Variants in SMPD4 observed in about 807,000 individuals in gnomAD.
The protein encoded by SMPD4 is sphingomyelin phosphodiesterase 4, also known as neutral sphingomyelinase 3.
SMPD4 carries 58 observed loss-of-function variants against 97.8 expected under a neutral mutation model. The ratio of observed to expected loss-of-function variants is 0.59; its 90% CI spans 0.48 to 0.74. SMPD4 has a LOEUF of 0.74. SMPD4 is among the 30% of genes least tolerant of loss of function. SMPD4 has a pLI of 0.00. For missense variants in SMPD4, 853 were observed against 1,080.5 expected (o/e 0.79, Z 2.95); for synonymous variants, 388 against 450.0 (o/e 0.86, Z 1.74).
chr2:130,161,115 C>T (rs1186250866), intron 11 of SMPD4, 71 bp downstream of exon 11: 37 of 1,473,838 alleles, frequency 2.5e-5, no homozygotes, highest in Middle Eastern at 5.0e-4. Context: ...CGGCCGGCCC[C>T]GGCGGCCCCT....
intron 13 of SMPD4, 146 bp downstream of exon 13, chr2:130,156,439 G>A (rs1254830318): frequency 3.5e-6 from 3 of 850,432 alleles, no homozygotes; most frequent in Admixed American, 2.5e-5. Flanking sequence ...AACTCAAACA[G>A]AAAGAACAAT....
intron 9 of SMPD4, among the ~76,000 whole-genome samples, chr2:130,165,867 G>A (rs866252544): frequency 8.5e-5 from 13 of 152,224 alleles, no homozygotes; most frequent in South Asian, 4.2e-4. Flanking sequence ...CCCTGCGCCC[G>A]GGCTGGTTCA....
intron 11 of SMPD4, among the ~76,000 whole-genome samples, chr2:130,158,760 T>C (rs1687095013): frequency 6.6e-6 from 1 of 151,896 alleles, no homozygotes; most frequent in South Asian, 2.1e-4. Context: ...TGAGTCTGAG[T>C]GGACATGCTC....
At chr2:130,179,933 G>T (rs1689359293) in intron 1 of SMPD4, among the ~76,000 whole-genome samples, 1 of 151,518 alleles carries the variant, frequency 6.6e-6, no homozygotes, top group Non-Finnish European at 1.5e-5. Context: ...GATTACAGAC[G>T]TGAGTCACCA....
chr2:130,158,349 CCT>C (rs1219475935), intron 11 of SMPD4: 10 of 781,306 alleles, frequency 1.3e-5, no homozygotes, highest in Non-Finnish European at 1.8e-5. Context: ...ACAACGTCTC[CCT>C]CTGTCGCCCA....
In SMPD4 at chr2:130,152,654, G is replaced by A. The variant is rs767644066; in HGVS notation, c.2385C>T (p.Val795=). Residue 795 remains valine, a synonymous_variant, in exon 20 of 20, where the codon GTC becomes GTT. Transcript: ENST00000680298. ...GCAGCAGCGTGCATGGGAGGGGCCC[G>A]ACGCAGAACAGAGAGGCCACGAAGA... The part of the protein sequence containing the change: ...LAFFVASLFC[V]GPLPCTLLLT... 23 of 1,562,982 alleles carry A rather than the reference G, an allele frequency of 1.5e-5. No homozygotes were observed. Among genetic ancestry groups the A allele is most frequent in the Non-Finnish European group, 1.4e-5 (16 of 1,154,580 alleles).
intron 11 of SMPD4, 128 bp downstream of exon 11, chr2:130,161,058 C>T (rs893396793): frequency 1.1e-4 from 95 of 870,534 alleles, no homozygotes; most frequent in East Asian, 1.3e-4. Flanking sequence ...TGCCTCCCCC[C>T]GACACAGGGG....
rs144367000 is a variant in SMPD4 at position 130,157,878 on chromosome 2, G to A, written c.952-482C>T. 7.0e-3 allele frequency: 1,473 copies of A among 209,438 alleles called. 7 individuals are homozygous for A. Among genetic ancestry groups the A allele is most frequent in the South Asian group, 0.011 (147 of 13,922 alleles). The allele number at this position is 209,438 out of a possible 1,614,324, so 13.0% of individuals were successfully genotyped here. A position where few individuals can be genotyped will look rare whatever the true frequency, so the allele number is the denominator to read the frequency against. On this transcript the variant is annotated intron_variant, in intron 11 of 19. Coordinates refer to ENST00000680298, the MANE Select transcript of SMPD4 (RefSeq NM_017951.5). ...CATGGAACCCAGGTGTGGTGCCTCA[G>A]ACCTGTAATTCCAGCACTTTGGGAG...
At chr2:130,170,351 G>A (rs1688329253) in intron 8 of SMPD4, among the ~76,000 whole-genome samples, 1 of 150,860 alleles carries the variant, frequency 6.6e-6, no homozygotes, top group Non-Finnish European at 1.5e-5. Context: ...GCTGGGTGTG[G>A]TGACAGGCAC....
At chr2:130,175,924 C>T (rs1688943017) in intron 2 of SMPD4, among the ~76,000 whole-genome samples, 1 of 152,134 alleles carries the variant, frequency 6.6e-6, no homozygotes, top group Non-Finnish European at 1.5e-5. Flanking sequence ...AAAAACACCT[C>T]CTAAGAACTA....
intron 16 of SMPD4, 117 bp downstream of exon 16, chr2:130,154,160 A>G (rs1686521844): frequency 7.8e-7 from 1 of 1,275,730 alleles, no homozygotes. Context: ...GGAAGGAGAT[A>G]TGGCGTCAAA....
At chr2:130,177,405 A>G (rs1456147966) in intron 1 of SMPD4, among the ~76,000 whole-genome samples, 1 of 152,074 alleles carries the variant, frequency 6.6e-6, no homozygotes, top group Non-Finnish European at 1.5e-5. Flanking sequence ...TTTTATAGAA[A>G]TGCTGTTCTC....
At chr2:130,174,625 T>C (rs1458325024) in intron 3 of SMPD4, among the ~76,000 whole-genome samples, 1 of 152,178 alleles carries the variant, frequency 6.6e-6, no homozygotes, top group African/African-American at 2.4e-5. Flanking sequence ...CCTCTACTTC[T>C]TAGAAGCTAG....
chr2:130,171,051 G>A (rs1156555892), intron 8 of SMPD4, among the ~76,000 whole-genome samples: 2 of 151,664 alleles, frequency 1.3e-5, no homozygotes, highest in East Asian at 1.9e-4. Context: ...GCGACAGAGT[G>A]AGACTCCATC....
chr2:130,173,618 A>G lies in SMPD4; in HGVS notation c.165T>C (p.Ile55=), dbSNP rs765004570. ...CGAGGACACCATCTAGGCTGCCAAAAATGCTTTCTACCAGCCATGGGAAGA... is the reference window on the plus strand; with the variant it reads ...CGAGGACACCATCTAGGCTGCCAAAGATGCTTTCTACCAGCCATGGGAAGA... The part of the protein sequence containing the change: ...HTIFPWLVES[I]FGSLDGVLVG... The change falls in exon 4 of 20, where the codon ATT becomes ATC. Residue 55 remains isoleucine, a synonymous_variant. Coordinates refer to ENST00000680298, the MANE Select transcript of SMPD4 (RefSeq NM_017951.5). The G allele has an allele frequency of 3.7e-6, 6 of 1,613,810 alleles. No individual in the cohort carries two copies. Among genetic ancestry groups the G allele is most frequent in the Middle Eastern group, 3.3e-4 (2 of 6,056 alleles).
At chr2:130,164,560 A>G in intron 9 of SMPD4, 115 bp from the exon 10 acceptor site, 1 of 795,484 alleles carries the variant, frequency 1.3e-6, no homozygotes. Context: ...ACCCATGTGC[A>G]GAACAGTGAA....
At chr2:130,171,190 C>T (rs1303229076) in intron 8 of SMPD4, among the ~76,000 whole-genome samples, 1 of 151,068 alleles carries the variant, frequency 6.6e-6, no homozygotes, top group South Asian at 2.1e-4. Context: ...CCACAACCTC[C>T]GCCTCCCGGG....
At chr2:130,168,571 G>A (rs1013162409) in intron 8 of SMPD4, among the ~76,000 whole-genome samples, 1 of 151,950 alleles carries the variant, frequency 6.6e-6, no homozygotes, top group African/African-American at 2.4e-5. Flanking sequence ...CTAGGCTGGA[G>A]TGCAATGATG....
intron 14 of SMPD4, among the ~76,000 whole-genome samples, 182 bp downstream of exon 14, chr2:130,155,853 T>C (rs72863867): frequency 0.011 from 1,704 of 152,172 alleles, 16 homozygotes; most frequent in Middle Eastern, 0.044. Flanking sequence ...CCTGGCAAAG[T>C]TGAGCCTAGG....
Sources: gnomAD v4.1 joint callset for allele counts (sites outside exome capture counted in the v4.1 genomes callset) on GRCh38, gnomAD v4.1.1 for gene constraint, MANE v1.5 for transcripts, NCBI Gene and HGNC (gene_info 2026-07-23, HGNC 2026-07-21) for gene names.